SSUH2: variants seen among roughly 807,000 people sequenced by gnomAD.
SSUH2 encodes the protein protein SSUH2 homolog.
SSUH2 carries 47 observed loss-of-function variants against 55.3 expected under a neutral mutation model. That is an observed-to-expected ratio of 0.85 (90% CI 0.67 to 1.08). The LOEUF is 1.08. SSUH2 is among the 50% of genes least tolerant of loss of function. The probability of loss-of-function intolerance (pLI) is 0.00; values close to 1 mark genes in which losing one functional copy is unlikely to be tolerated. For synonymous variants in SSUH2, 212 were observed against 191.5 expected (o/e 1.11, Z -0.89); for missense variants, 535 against 490.7 (o/e 1.09, Z -0.85).
intron 3 of SSUH2, among the ~76,000 whole-genome samples, chr3:8,634,970 C>T (rs143863748): frequency 2.0e-5 from 3 of 152,294 alleles, no homozygotes; most frequent in African/African-American, 7.2e-5. Context: ...GTAAAAGCTG[C>T]CAGAGACAAT....
At chr3:8,655,723 G>C (rs977288689) in intron 7 of SSUH2, among the ~76,000 whole-genome samples, 1 of 152,232 alleles carries the variant, frequency 6.6e-6, no homozygotes, top group Non-Finnish European at 1.5e-5. Flanking sequence ...ACAGCGTGGA[G>C]AGAAAGCACC....
intron 4 of SSUH2, among the ~76,000 whole-genome samples, chr3:8,633,081 G>A (rs1015053074): frequency 6.6e-6 from 1 of 151,536 alleles, no homozygotes; most frequent in Non-Finnish European, 1.5e-5. Flanking sequence ...CAAGGCGTGT[G>A]TGTAGCATGC....
At chr3:8,624,847 C>T (rs1697195253) in intron 10 of SSUH2, among the ~76,000 whole-genome samples, 1 of 152,166 alleles carries the variant, frequency 6.6e-6, no homozygotes, top group Non-Finnish European at 1.5e-5. Context: ...GAGCTCCTAG[C>T]TCTGCCCTGC....
intron 1 of SSUH2, among the ~76,000 whole-genome samples, chr3:8,680,343 A>C (rs1407287585): frequency 4.6e-5 from 7 of 150,948 alleles, no homozygotes; most frequent in South Asian, 2.1e-4. Context: ...TTAGGATCCA[A>C]GGTGGACTCA....
At chr3:8,681,207 C>T (rs1191934443) in intron 1 of SSUH2, among the ~76,000 whole-genome samples, 1 of 147,456 alleles carries the variant, frequency 6.8e-6, no homozygotes, top group Admixed American at 6.8e-5. Context: ...GAGCCAGCCC[C>T]TCTTCCCCCC....
chr3:8,625,623 C>T lies in SSUH2; in HGVS notation c.792G>A (p.Val264=). 1 of 1,613,818 alleles carries T rather than the reference C, an allele frequency of 6.2e-7. No individual in the cohort carries two copies. Among genetic ancestry groups the T allele is most frequent in the South Asian group, 1.1e-5 (1 of 91,034 alleles). ...TGGGGCAGTTGAGCCGGTGCTCAGACACAAACTCAAACAAGCTGTTCTTCC... is the reference window on the plus strand; with the variant it reads ...TGGGGCAGTTGAGCCGGTGCTCAGATACAAACTCAAACAAGCTGTTCTTCC... The part of the protein sequence containing the change: ...IMWKNSLFEF[V]SEHRLNCPRE... The change falls in exon 10 of 12, where the codon GTG becomes GTA. Residue 264 remains valine (V), a synonymous_variant. Transcript: ENST00000544814.
intron 6 of SSUH2, among the ~76,000 whole-genome samples, chr3:8,663,455 T>C (rs2125375734): frequency 6.6e-6 from 1 of 152,230 alleles, no homozygotes; most frequent in East Asian, 1.9e-4. Flanking sequence ...TGTTCCCTGA[T>C]AGTTTCATCA....
chr3:8,633,447 G>T (rs1171910057), intron 4 of SSUH2, among the ~76,000 whole-genome samples: 1 of 152,104 alleles, frequency 6.6e-6, no homozygotes, highest in African/African-American at 2.4e-5. Context: ...GGCATGAGCC[G>T]CCGCACCCGG....
intron 10 of SSUH2, 140 bp from the exon 11 acceptor site, chr3:8,623,796 T>C (rs1161030584): frequency 5.3e-6 from 3 of 568,462 alleles, no homozygotes; most frequent in Non-Finnish European, 9.5e-6. Context: ...GTCTCAGGAA[T>C]TTCAAAAACA....
At chr3:8,666,033 G>C (rs1434799597) in intron 5 of SSUH2, among the ~76,000 whole-genome samples, 1 of 152,186 alleles carries the variant, frequency 6.6e-6, no homozygotes. Flanking sequence ...TTAGACTCAA[G>C]CTTGAGCTCC....
At position 8,623,665 on chromosome 3, in the gene SSUH2, A is replaced by G; in HGVS notation, c.874-9T>C. On this transcript the variant is annotated splice_polypyrimidine_tract_variant and intron_variant, in intron 10 of 11. Transcript: ENST00000544814. ...TCCACGATGGGGTACACCTGGGGGA[A>G]AGAGAGAGAGACACAGACCACCTGG... 6.9e-7 allele frequency: 1 copy of G among 1,455,112 alleles called. No individual in the cohort carries two copies. Among genetic ancestry groups the G allele is most frequent in the Non-Finnish European group, 9.4e-7 (1 of 1,069,182 alleles). The allele number at this position is 1,455,112 out of a possible 1,614,324, so 90.1% of individuals were successfully genotyped here. A position where few individuals can be genotyped will look rare whatever the true frequency, so the allele number is the denominator to read the frequency against.
chr3:8,653,909 C>T (rs1490764627), intron 7 of SSUH2, among the ~76,000 whole-genome samples: 1 of 152,220 alleles, frequency 6.6e-6, no homozygotes, highest in Non-Finnish European at 1.5e-5. Flanking sequence ...CCACCCCACC[C>T]AGTGGGAACC....
Position 8,625,608 on chromosome 3 carries a change from G to A in SSUH2, c.807C>T (p.Leu269=), listed in dbSNP as rs1408434378. The A allele has an allele frequency of 5.6e-6, 9 of 1,614,036 alleles. No individual in the cohort carries two copies. Among genetic ancestry groups the A allele is most frequent in the African/African-American group, 1.3e-5 (1 of 75,054 alleles). The part of the protein sequence containing the change: ...SLFEFVSEHR[L]NCPRELLAKA... ...TAGCAAGGAGCTCCCTGGGGCAGTT[G>A]AGCCGGTGCTCAGACACAAACTCAA... The change falls in exon 10 of 12, where the codon CTC becomes CTT. Residue 269 remains leucine, a synonymous_variant. Coordinates refer to ENST00000544814, the MANE Select transcript of SSUH2 (RefSeq NM_001256748.3).
rs1559381488 is a variant in SSUH2 at position 8,635,333 on chromosome 3, T to C, written c.176A>G (p.Glu59Gly). The change falls in exon 3 of 12, where the codon GAG becomes GGG. Residue 59 changes from glutamate (E) to glycine (G), a missense_variant. By Grantham distance (98) the Glu-to-Gly change is moderately conservative (BLOSUM62 -2). Transcript: ENST00000544814. ...PPLEAPGRPQEQRSWPSFLEH... is the reference protein window; with the variant it reads ...PPLEAPGRPQGQRSWPSFLEH... Reference sequence around the variant, plus strand: ...CAGGAACGAGGGCCAGGACCTTTGCTCCTGGGGCCTCCCTGGGGCCTCCAA... The same window carrying C: ...CAGGAACGAGGGCCAGGACCTTTGCCCCTGGGGCCTCCCTGGGGCCTCCAA... 6.5e-7 allele frequency: 1 copy of C among 1,536,008 alleles called. No individual in the cohort carries two copies. The highest frequency in any genetic ancestry group is 1.2e-5 in the South Asian group (1 of 84,038).
At chr3:8,647,399 G>C (rs1420926748), upstream of SSUH2, among the ~76,000 whole-genome samples, 1 of 152,214 alleles carries the variant, frequency 6.6e-6, no homozygotes, top group African/African-American at 2.4e-5. Context: ...CAGAAGCTTG[G>C]TGATTAAACA....
chr3:8,633,829 T>C (rs1351903698), intron 3 of SSUH2, 34 bp from the exon 4 acceptor site: 1 of 1,612,936 alleles, frequency 6.2e-7, no homozygotes, highest in Admixed American at 1.7e-5. Context: ...CGGGGGCTTC[T>C]GGGAAGGGCC....
chr3:8,678,270 C>T (rs190510173), intron 2 of SSUH2, among the ~76,000 whole-genome samples: 24 of 152,184 alleles, frequency 1.6e-4, no homozygotes, highest in Middle Eastern at 3.4e-3. Flanking sequence ...GTAATATCAA[C>T]CTCTCGGCCT....
intron 3 of SSUH2, chr3:8,634,100 T>C (rs1699456884): frequency 1.3e-6 from 1 of 767,312 alleles, no homozygotes; most frequent in Non-Finnish European, 2.0e-6. Context: ...AATTGTACCA[T>C]TTTATAGATA....
rs1696048679 is a variant in SSUH2, at chr3:8,619,864, T to C, written c.*4A>G. On this transcript the variant is annotated 3_prime_UTR_variant, in exon 12 of 12. Transcript: ENST00000544814. ...TGGCAGGCTCTGGGGACAGCCATGCTATGTCACACGATGGTACAGCCACAG... is the reference window on the plus strand; with the variant it reads ...TGGCAGGCTCTGGGGACAGCCATGCCATGTCACACGATGGTACAGCCACAG... 6.2e-7 allele frequency: 1 copy of C among 1,613,218 alleles called. No homozygotes were observed. The highest frequency in any genetic ancestry group is 1.3e-5 in the African/African-American group (1 of 75,018).
Sources: allele counts gnomAD v4.1 joint callset (sites outside exome capture counted in the v4.1 genomes callset), GRCh38; gene constraint gnomAD v4.1.1; transcripts MANE v1.5; gene names NCBI Gene and HGNC (gene_info 2026-07-23, HGNC 2026-07-21).